MAP3K21: variants seen among roughly 807,000 people sequenced by gnomAD.
MAP3K21 encodes the protein mitogen-activated protein kinase kinase kinase 21.
A neutral mutation model predicts 86.1 loss-of-function variants in MAP3K21; 63 were observed. That is an observed-to-expected ratio of 0.73 (90% CI 0.60 to 0.90). The LOEUF is 0.90. Among genes scored for constraint, MAP3K21 ranks in the 40% least tolerant of loss-of-function variants. MAP3K21 has a pLI of 0.00. For missense variants in MAP3K21, 1,220 were observed against 1,367.7 expected, an observed-to-expected ratio of 0.89 and a Z score of 1.70; for synonymous variants, 558 against 564.8, an observed-to-expected ratio of 0.99 and a Z score of 0.17.
At chr1:233,379,776 G>A in intron 9 of MAP3K21, 66 bp downstream of exon 9, 1 of 1,205,540 alleles carries the variant, frequency 8.3e-7, no homozygotes, top group South Asian at 1.4e-5. Context: ...GAAACAGTAT[G>A]GATTTATGAT....
chr1:233,358,469 A>ATTTG lies in MAP3K21; in HGVS notation c.1311+3462_1311+3465dup, dbSNP rs1553338865. On this transcript the variant is annotated intron_variant, in intron 4 of 9. Transcript: ENST00000366624. ...TTAAAATGATACAGGAAAGACTCTAATTTGTTTTTTTTTTTTTTAACACTT... is the reference window on the plus strand; with the variant it reads ...TTAAAATGATACAGGAAAGACTCTAATTTGTTTGTTTTTTTTTTTTTTAACACTT... 1.6e-4 allele frequency among the ~76,000 whole-genome samples: 11 copies of ATTTG among 68,788 alleles called. No individual in the cohort carries two copies. In the Admixed American group the frequency reaches 1.8e-3, roughly 11 times the overall value. 45.1% of individuals were successfully genotyped at this position (68,788 alleles called of 152,430 possible). A position where few individuals can be genotyped will look rare whatever the true frequency, so the allele number is the denominator to read the frequency against.
At position 233,328,242 on chromosome 1, in the gene MAP3K21, G is replaced by A; in HGVS notation, c.214G>A (p.Ala72Thr). The A allele has an allele frequency of 6.7e-7, 1 of 1,490,078 alleles. No individual in the cohort carries two copies. The highest frequency in any genetic ancestry group is 8.9e-7 in the Non-Finnish European group (1 of 1,128,212). The allele number at this position is 1,490,078 out of a possible 1,614,324, so 92.3% of individuals were successfully genotyped here. The change falls in exon 1 of 10, where the codon GCC becomes ACC. Residue 72 changes from alanine (A) to threonine (T), a missense_variant. This residue lies in a region of MAP3K21 where 369 missense variants were observed against 385.3 expected (regional missense o/e 0.96). Coordinates refer to ENST00000366624, the MANE Select transcript of MAP3K21 (RefSeq NM_032435.3). The surrounding 1 kb of genome is among the most constrained non-coding windows in gnomAD (Gnocchi z 8.7). ...GQLVEVLSQDAAVSGDEGWWA... is the reference protein window; with the variant it reads ...GQLVEVLSQDTAVSGDEGWWA... The stretch of plus-strand genomic sequence containing the variant: ...GCTGGTGGAGGTGCTGTCGCAGGAC[G>A]CCGCCGTGTCGGGCGACGAGGGCTG...
In MAP3K21 at chr1:233,382,729, T is replaced by G. The variant is rs1663942850; in HGVS notation, c.*18T>G. The G allele has an allele frequency of 6.3e-7, 1 of 1,597,624 alleles. No homozygotes were observed. The highest frequency in any genetic ancestry group is 1.1e-5 in the South Asian group (1 of 90,006). ...TGTCTTAAACTAAGTGCCTTACTGT[T>G]GTTTAAGCATTTTTTTAAGGTGAAC... On this transcript the variant is annotated 3_prime_UTR_variant, in exon 10 of 10. Coordinates refer to ENST00000366624, the MANE Select transcript of MAP3K21 (RefSeq NM_032435.3).
At chr1:233,371,749 TTGTGTGTGTGTGTG>T (rs71574858) in intron 5 of MAP3K21, among the ~76,000 whole-genome samples, 7 of 147,668 alleles carry the variant, frequency 4.7e-5, no homozygotes, top group Admixed American at 2.7e-4. Context: ...ATATTTTCCT[TTGTGTGTGTGTGTG>T]TGTGTGTGTG....
At position 233,382,332 on chromosome 1, in the gene MAP3K21, G is replaced by C; in HGVS notation, c.2732G>C (p.Gly911Ala). ...GGTGCAACTATTATCTCAGCCACTG[G>C]AGCCTCTGCACTGCCACTCTGCCCC... ...PTGATIISAT[G>A]ASALPLCPSP... The change falls in exon 10 of 10, where the codon GGA (glycine) becomes GCA (alanine). Residue 911 changes from glycine to alanine, a missense_variant. Physicochemically the swap from Gly to Ala is moderately conservative, Grantham distance 60. Transcript: ENST00000366624. 6.2e-7 allele frequency: 1 copy of C among 1,613,676 alleles called. No individual in the cohort carries two copies. Among genetic ancestry groups the C allele is most frequent in the South Asian group, 1.1e-5 (1 of 91,038 alleles).
intron 1 of MAP3K21, among the ~76,000 whole-genome samples, chr1:233,334,595 G>GT (rs57954282): frequency 0.77 from 116,982 of 151,656 alleles, 45,296 homozygotes; most frequent in East Asian, 0.93. Context: ...TGGAGAAAGG[G>GT]TTTTTTTGGG....
At chr1:233,347,842 C>A (rs1319967391) in intron 2 of MAP3K21, among the ~76,000 whole-genome samples, 1 of 151,988 alleles carries the variant, frequency 6.6e-6, no homozygotes, top group Non-Finnish European at 1.5e-5. Context: ...ACACGACATA[C>A]CCAGGTAATA....
chr1:233,336,642 C>T (rs1415788460), intron 1 of MAP3K21, among the ~76,000 whole-genome samples: 1 of 152,158 alleles, frequency 6.6e-6, no homozygotes, highest in African/African-American at 2.4e-5. Context: ...CTAGATTCTA[C>T]CATTAACATT....
intron 5 of MAP3K21, among the ~76,000 whole-genome samples, 155 bp from the exon 6 acceptor site, chr1:233,371,883 C>T (rs979047248): frequency 1.3e-5 from 2 of 151,828 alleles, no homozygotes; most frequent in Admixed American, 6.6e-5. Flanking sequence ...ACCTGAACCC[C>T]GAGAAGTAAG....
chr1:233,357,165 A>G (rs951133703), intron 4 of MAP3K21, among the ~76,000 whole-genome samples: 1 of 152,180 alleles, frequency 6.6e-6, no homozygotes, highest in South Asian at 2.1e-4. Context: ...CAAAAAACCA[A>G]ACACTGCATG....
chr1:233,353,541 C>T (rs940391410), intron 2 of MAP3K21, among the ~76,000 whole-genome samples: 7 of 152,194 alleles, frequency 4.6e-5, no homozygotes, highest in Admixed American at 3.3e-4. Context: ...GTGTACTACT[C>T]TTACGCTTTC....
intron 5 of MAP3K21, among the ~76,000 whole-genome samples, chr1:233,364,247 C>T (rs1434928992): frequency 6.6e-6 from 1 of 151,554 alleles, no homozygotes; most frequent in Non-Finnish European, 1.5e-5. Context: ...ACTGGTCTGT[C>T]TTACGTGTCA....
At position 233,360,457 on chromosome 1, in the gene MAP3K21, C is replaced by G. The variant is rs142129053; in HGVS notation, c.1312-1596C>G. On this transcript the variant is annotated intron_variant, in intron 4 of 9. Transcript: ENST00000366624. ...AAACATCATTTGGTCTAAAATAAAT[C>G]ATTTCTCCTGCAGTTTTTCTTGTGA... 2.1e-3 allele frequency among the ~76,000 whole-genome samples: 323 copies of G among 152,200 alleles called. 1 individual carries two copies. The highest frequency in any genetic ancestry group is 7.3e-3 in the African/African-American group (304 of 41,536).
intron 6 of MAP3K21, 54 bp downstream of exon 6, chr1:233,372,214 T>C (rs769359768): frequency 6.3e-7 from 1 of 1,599,784 alleles, no homozygotes; most frequent in Non-Finnish European, 8.5e-7. Context: ...CTCCTTTCAC[T>C]TGACTTGGAT....
intron 1 of MAP3K21, among the ~76,000 whole-genome samples, chr1:233,332,347 C>T (rs898945852): frequency 9.2e-5 from 14 of 151,904 alleles, no homozygotes; most frequent in African/African-American, 2.4e-4. Context: ...CAGGGGCTCT[C>T]CAGGGAAGGC....
At position 233,356,022 on chromosome 1, in the gene MAP3K21, C is replaced by T. The variant is rs184572685; in HGVS notation, c.1311+1011C>T. Among the ~76,000 whole-genome samples, 195 of 152,300 alleles carry T rather than the reference C, an allele frequency of 1.3e-3. 1 individual carries two copies. The highest frequency in any genetic ancestry group is 4.4e-3 in the African/African-American group (183 of 41,552). On this transcript the variant is annotated intron_variant, in intron 4 of 9. Transcript: ENST00000366624. ...GTCCCCAGCCATACTGAATTTCTTC[C>T]AGTCCCCATGATGTCATGCTCCTGA...
intron 2 of MAP3K21, among the ~76,000 whole-genome samples, chr1:233,351,929 C>T (rs527521024): frequency 6.6e-5 from 10 of 152,250 alleles, no homozygotes; most frequent in Admixed American, 1.3e-4. Context: ...TGCTCTGCCA[C>T]CCATGCTGGA....
chr1:233,335,201 C>G (rs374746340), intron 1 of MAP3K21, among the ~76,000 whole-genome samples: 11 of 152,158 alleles, frequency 7.2e-5, no homozygotes, highest in African/African-American at 2.6e-4. Flanking sequence ...TTTTAATGGG[C>G]AGAGGGTTTT....
intron 1 of MAP3K21, among the ~76,000 whole-genome samples, chr1:233,335,827 A>G (rs1176867496): frequency 6.6e-6 from 1 of 152,244 alleles, no homozygotes; most frequent in Non-Finnish European, 1.5e-5. Context: ...AGCATTTGTA[A>G]TGGGAAAACC....
Sources: allele counts gnomAD v4.1 joint callset (sites outside exome capture counted in the v4.1 genomes callset), GRCh38; gene constraint gnomAD v4.1.1; regional missense constraint gnomAD v4.1.1; non-coding constraint Gnocchi (gnomAD v3.1); transcripts MANE v1.5; gene names NCBI Gene and HGNC (gene_info 2026-07-23, HGNC 2026-07-21).